Variants in ATP8A1 observed in about 807,000 individuals in gnomAD.
The protein encoded by ATP8A1 is ATPase phospholipid transporting 8A1.
A neutral mutation model predicts 177.7 loss-of-function variants in ATP8A1; 90 were observed. The observed-to-expected ratio is 0.51, with a 90% confidence interval of 0.43 to 0.60. The LOEUF (loss-of-function observed/expected upper bound fraction) is 0.60. Ranked by LOEUF, ATP8A1 falls within the 20% of genes least tolerant of loss-of-function variation. The pLI is 0.00. For missense variants in ATP8A1, 1,072 were observed against 1,392.8 expected, an observed-to-expected ratio of 0.77 and a Z score of 3.67; for synonymous variants, 493 against 485.9, an observed-to-expected ratio of 1.01 and a Z score of -0.19.
chr4:42,420,181 C>T (rs912197073), intron 35 of ATP8A1, among the ~76,000 whole-genome samples: 1 of 152,214 alleles, frequency 6.6e-6, no homozygotes, highest in South Asian at 2.1e-4. Flanking sequence ...CTATTTTTCT[C>T]CTTTCACAGA....
chr4:42,544,779 A>G (rs1433904459), intron 19 of ATP8A1, among the ~76,000 whole-genome samples: 1 of 152,200 alleles, frequency 6.6e-6, no homozygotes, highest in Non-Finnish European at 1.5e-5. Context: ...TTACCAGCTA[A>G]AAAACTGAGA....
At chr4:42,430,160 A>G (rs1211505479) in intron 33 of ATP8A1, among the ~76,000 whole-genome samples, 2 of 152,196 alleles carry the variant, frequency 1.3e-5, no homozygotes, top group Non-Finnish European at 2.9e-5. Context: ...AAAAGAAAAA[A>G]AAAAGATTCT....
intron 14 of ATP8A1, among the ~76,000 whole-genome samples, chr4:42,571,498 G>C (rs2109318875): frequency 6.7e-6 from 1 of 148,660 alleles, no homozygotes; most frequent in East Asian, 2.0e-4. Flanking sequence ...ATGGCACTTA[G>C]GACTGTATCC....
rs1386910850 is a variant in ATP8A1, at chr4:42,556,015, T to G, written c.1366A>C (p.Lys456Gln). The G allele has an allele frequency of 3.7e-6, 6 of 1,612,262 alleles. No homozygotes were observed. Among genetic ancestry groups the G allele is most frequent in the Non-Finnish European group, 5.1e-6 (6 of 1,179,018 alleles). ...AGCAATGATGAATCACTAAATGTTT[T>G]TTCATCTCCAAACTGTGAGTTCTGC... Reference protein sequence around the residue: ...EWQNSQFGDEKTFSDSSLLEN... With the variant: ...EWQNSQFGDEQTFSDSSLLEN... Residue 456 changes from lysine to glutamine, a missense_variant, in exon 16 of 37, where the codon AAA becomes CAA. This residue lies in a region of ATP8A1 where 388 missense variants were observed against 471.7 expected (regional missense o/e 0.82). Transcript: ENST00000381668.
At chr4:42,594,286 T>C (rs1346059976) in intron 6 of ATP8A1, 1 of 1,576,948 alleles carries the variant, frequency 6.3e-7, no homozygotes, top group Admixed American at 1.7e-5. Context: ...TAGGCATCTC[T>C]ACCTTGATGA....
At chr4:42,477,526 AG>A (rs1334537932) in intron 25 of ATP8A1, among the ~76,000 whole-genome samples, 9 of 152,186 alleles carry the variant, frequency 5.9e-5, no homozygotes, top group African/African-American at 1.7e-4. Flanking sequence ...GTTTTCTCCT[AG>A]AAAAACTCTT....
Position 42,439,093 on chromosome 4 carries a change from T to C in ATP8A1, c.3123+4472A>G, listed in dbSNP as rs535943355. On this transcript the variant is annotated intron_variant, in intron 33 of 36. Coordinates refer to ENST00000381668, the MANE Select transcript of ATP8A1 (RefSeq NM_006095.2). ...GTGTGAATCTGCATGAAGCTGAATA[T>C]AGAAGCATGAGACCTGTACCTGTAA... Among the ~76,000 whole-genome samples the C allele has an allele frequency of 3.5e-4, 54 of 152,236 alleles. No individual in the cohort carries two copies. In the South Asian group the frequency reaches 8.3e-3, roughly 23 times the overall value.
intron 5 of ATP8A1, among the ~76,000 whole-genome samples, chr4:42,611,451 T>C (rs1736364621): frequency 2.0e-5 from 3 of 152,228 alleles, no homozygotes; most frequent in Admixed American, 2.0e-4. Flanking sequence ...ATCAATGGGC[T>C]GCTAAGGATC....
At chr4:42,651,638 T>C in intron 1 of ATP8A1, among the ~76,000 whole-genome samples, 1 of 152,200 alleles carries the variant, frequency 6.6e-6, no homozygotes, top group East Asian at 1.9e-4. Flanking sequence ...AAATAAGCAT[T>C]AGTTTTTGTG....
At chr4:42,656,426 T>G (rs1244923328) in intron 1 of ATP8A1, among the ~76,000 whole-genome samples, 1 of 151,614 alleles carries the variant, frequency 6.6e-6, no homozygotes, top group Non-Finnish European at 1.5e-5. Context: ...AAAAGCAAAC[T>G]CGCTTCGCTG....
chr4:42,645,392 T>G (rs1344581252), intron 1 of ATP8A1, among the ~76,000 whole-genome samples: 1 of 152,216 alleles, frequency 6.6e-6, no homozygotes, highest in Non-Finnish European at 1.5e-5. Flanking sequence ...TCGCAACCTA[T>G]ATAGTTGTAT....
Position 42,625,697 on chromosome 4 carries a change from T to A in ATP8A1, c.181A>T (p.Ile61Leu). 1 of 1,601,520 alleles carries A rather than the reference T, an allele frequency of 6.2e-7. No individual in the cohort carries two copies. The highest frequency in any genetic ancestry group is 8.5e-7 in the Non-Finnish European group (1 of 1,173,590). The stretch of plus-strand genomic sequence containing the variant: ...AGAAATCTTGGAAGGAATGTGATTA[T>A]GTTGTATTTTGCAGTGCTAGAAAAC... Reference protein sequence around the residue: ...NNHVSTAKYNIITFLPRFLYS... With the variant: ...NNHVSTAKYNLITFLPRFLYS... Residue 61 changes from isoleucine (I) to leucine (L), a missense_variant, in exon 3 of 37, where the codon ATA becomes TTA. This residue lies in a region of ATP8A1 where 344 missense variants were observed against 393.5 expected (regional missense o/e 0.87). Coordinates refer to ENST00000381668, the MANE Select transcript of ATP8A1 (RefSeq NM_006095.2).
At chr4:42,489,992 C>A (rs1293048873) in intron 24 of ATP8A1, among the ~76,000 whole-genome samples, 2 of 152,074 alleles carry the variant, frequency 1.3e-5, no homozygotes, top group Non-Finnish European at 2.9e-5. Flanking sequence ...GCTGAAAGTC[C>A]AGGAGCATCA....
At chr4:42,574,544 GAAC>G (rs1408190958) in intron 14 of ATP8A1, 72 bp downstream of exon 14, 3 of 1,220,940 alleles carry the variant, frequency 2.5e-6, no homozygotes, top group Non-Finnish European at 3.5e-6. Flanking sequence ...CCCCTAATAA[GAAC>G]TCCCAAATGT....
intron 22 of ATP8A1, among the ~76,000 whole-genome samples, chr4:42,520,002 C>T (rs1374180287): frequency 6.6e-6 from 1 of 152,122 alleles, no homozygotes. Context: ...TAATGTAGCT[C>T]ATGATCGCCA....
At chr4:42,647,990 T>G (rs537042998) in intron 1 of ATP8A1, among the ~76,000 whole-genome samples, 9 of 152,246 alleles carry the variant, frequency 5.9e-5, no homozygotes, top group African/African-American at 2.2e-4. Context: ...CAATATAATT[T>G]TAAAACCTAC....
intron 13 of ATP8A1, among the ~76,000 whole-genome samples, chr4:42,574,918 A>G (rs1052224091): frequency 6.6e-6 from 1 of 152,224 alleles, no homozygotes; most frequent in Non-Finnish European, 1.5e-5. Context: ...AAAGACTATC[A>G]CCATACTAGA....
At chr4:42,435,461 A>AACC (rs67063110) in intron 33 of ATP8A1, among the ~76,000 whole-genome samples, 1 of 122,346 alleles carries the variant, frequency 8.2e-6, no homozygotes, top group Non-Finnish European at 1.8e-5. Flanking sequence ...AAAAAAAAAA[A>AACC]AACAAACTAT....
At chr4:42,501,077 A>G (rs1052239315) in intron 24 of ATP8A1, among the ~76,000 whole-genome samples, 1 of 152,200 alleles carries the variant, frequency 6.6e-6, no homozygotes, top group Admixed American at 6.5e-5. Flanking sequence ...GGATTTTATC[A>G]GCTTTAGGAA....
Sources: gnomAD v4.1 joint callset for allele counts (sites outside exome capture counted in the v4.1 genomes callset) on GRCh38, gnomAD v4.1.1 for gene constraint, gnomAD v4.1.1 regional missense constraint, MANE v1.5 for transcripts, NCBI Gene and HGNC (gene_info 2026-07-23, HGNC 2026-07-21) for gene names.